Variants in ZDHHC14 observed in about 807,000 individuals in gnomAD.
The protein encoded by ZDHHC14 is palmitoyltransferase ZDHHC14.
In ZDHHC14, 16 loss-of-function variants were observed where a neutral mutation model predicts 47.7. That is an observed-to-expected ratio of 0.34 (90% CI 0.23 to 0.51). The LOEUF (loss-of-function observed/expected upper bound fraction) is 0.51, where lower values mean the gene tolerates loss of function less well. Ranked by LOEUF, ZDHHC14 falls within the 20% of genes least tolerant of loss-of-function variation. ZDHHC14 has a pLI of 0.97. For synonymous variants in ZDHHC14, 293 were observed against 278.9 expected (o/e 1.05, Z -0.50); for missense variants, 515 against 662.5 (o/e 0.78, Z 2.44).
intron 2 of ZDHHC14, among the ~76,000 whole-genome samples, chr6:157,574,369 G>A (rs1783218615): frequency 6.6e-6 from 1 of 152,160 alleles, no homozygotes; most frequent in South Asian, 2.1e-4. Context: ...GTTTCAGTCA[G>A]CCGAGATCGC....
chr6:157,506,519 C>T (rs918977862), intron 1 of ZDHHC14, among the ~76,000 whole-genome samples: 17 of 152,228 alleles, frequency 1.1e-4, no homozygotes, highest in Non-Finnish European at 2.4e-4. Context: ...CCCCTTCAAA[C>T]ATTATTTTCC....
intron 2 of ZDHHC14, among the ~76,000 whole-genome samples, chr6:157,565,472 A>G (rs577871795): frequency 6.6e-6 from 1 of 152,326 alleles, no homozygotes; most frequent in Non-Finnish European, 1.5e-5. Context: ...ATTCAGATTC[A>G]GTCACATGCA....
At chr6:157,517,557 C>T (rs1035561414) in intron 1 of ZDHHC14, among the ~76,000 whole-genome samples, 10 of 152,166 alleles carry the variant, frequency 6.6e-5, no homozygotes, top group Non-Finnish European at 1.0e-4. Context: ...GTGATCCATT[C>T]GCCTTGGCCT....
intron 3 of ZDHHC14, among the ~76,000 whole-genome samples, chr6:157,625,878 AG>A (rs753601169): frequency 9.2e-5 from 14 of 152,134 alleles, no homozygotes; most frequent in Non-Finnish European, 2.1e-4. Flanking sequence ...CTTTTAGCTC[AG>A]GGCTACCGGA....
intron 1 of ZDHHC14, among the ~76,000 whole-genome samples, chr6:157,484,307 A>ACATATATATACGTATATATACATTATACG (rs1562443829): frequency 7.0e-5 from 8 of 114,286 alleles, no homozygotes; most frequent in African/African-American, 2.4e-4. Context: ...ATATATATAC[A>ACATATATATACGTATATATACATTATACG]TATATATACA....
intron 1 of ZDHHC14, among the ~76,000 whole-genome samples, chr6:157,393,237 T>G (rs1159092274): frequency 6.6e-6 from 1 of 152,224 alleles, no homozygotes; most frequent in Non-Finnish European, 1.5e-5. Flanking sequence ...AGTATAATCA[T>G]TTCTGTACAT....
intron 1 of ZDHHC14, among the ~76,000 whole-genome samples, chr6:157,429,004 T>C: frequency 6.6e-6 from 1 of 152,114 alleles, no homozygotes; most frequent in Admixed American, 6.6e-5. Flanking sequence ...TGAGTGTGTT[T>C]GCGATGAGTG....
chr6:157,557,851 G>A (rs1782540075), intron 2 of ZDHHC14, among the ~76,000 whole-genome samples: 1 of 152,222 alleles, frequency 6.6e-6, no homozygotes, highest in Admixed American at 6.5e-5. Flanking sequence ...ACTGGGGACT[G>A]CTCTCACTTC....
intron 1 of ZDHHC14, among the ~76,000 whole-genome samples, chr6:157,467,643 G>A (rs1447866266): frequency 2.6e-5 from 4 of 151,672 alleles, no homozygotes; most frequent in Admixed American, 1.3e-4. Context: ...TCCATCTCCC[G>A]GGTTCAAGCG....
At chr6:157,606,002 A>T (rs575091792) in intron 3 of ZDHHC14, among the ~76,000 whole-genome samples, 1 of 152,246 alleles carries the variant, frequency 6.6e-6, no homozygotes, top group Non-Finnish European at 1.5e-5. Flanking sequence ...TTAGCAAGAT[A>T]TATATGCTGA....
chr6:157,403,674 T>C (rs1327611344), intron 1 of ZDHHC14, among the ~76,000 whole-genome samples: 1 of 152,250 alleles, frequency 6.6e-6, no homozygotes, highest in Non-Finnish European at 1.5e-5. Flanking sequence ...GGCTGCCTAT[T>C]CACTAAAAAA....
chr6:157,419,329 TAC>T (rs1318601881), intron 1 of ZDHHC14, among the ~76,000 whole-genome samples: 3 of 152,372 alleles, frequency 2.0e-5, no homozygotes, highest in African/African-American at 7.2e-5. Flanking sequence ...TGCCCATCAT[TAC>T]AGTTTCATAC....
At chr6:157,401,519 G>C (rs1227067512) in intron 1 of ZDHHC14, among the ~76,000 whole-genome samples, 1 of 148,654 alleles carries the variant, frequency 6.7e-6, no homozygotes, top group Non-Finnish European at 1.5e-5. Flanking sequence ...ATGCGCTCCT[G>C]CTGAGGTCTC....
intron 2 of ZDHHC14, among the ~76,000 whole-genome samples, chr6:157,574,451 G>T (rs1480542755): frequency 6.6e-6 from 1 of 152,062 alleles, no homozygotes; most frequent in African/African-American, 2.4e-5. Flanking sequence ...CCGTGTCATT[G>T]CTGAATACTT....
intron 1 of ZDHHC14, among the ~76,000 whole-genome samples, chr6:157,504,124 G>C (rs1362976038): frequency 2.0e-5 from 3 of 152,156 alleles, no homozygotes; most frequent in African/African-American, 4.8e-5. Flanking sequence ...GATTCATACA[G>C]TGGAGTATTA....
rs144545968 is a variant in ZDHHC14 at position 157,612,512 on chromosome 6, G to A, written c.566-15837G>A. Among the ~76,000 whole-genome samples the A allele has an allele frequency of 4.3e-4, 65 of 152,318 alleles. 1 individual carries two copies. The highest frequency in any genetic ancestry group is 1.3e-3 in the African/African-American group (55 of 41,574). Reference sequence around the variant, plus strand: ...TCATCTTTCAGGGAGATGTTCAGGCGTGGGCTCCTCAGGGAAGCCTGCCAC... The same window carrying A: ...TCATCTTTCAGGGAGATGTTCAGGCATGGGCTCCTCAGGGAAGCCTGCCAC... On this transcript the variant is annotated intron_variant, in intron 3 of 8. Coordinates refer to ENST00000359775, the MANE Select transcript of ZDHHC14 (RefSeq NM_024630.3).
At chr6:157,541,295 T>G (rs899077388) in intron 1 of ZDHHC14, among the ~76,000 whole-genome samples, 1 of 152,164 alleles carries the variant, frequency 6.6e-6, no homozygotes, top group Non-Finnish European at 1.5e-5. Context: ...TGAAGGCTGG[T>G]GCACTAATGT....
chr6:157,639,396 C>T (rs1336850476), intron 5 of ZDHHC14, among the ~76,000 whole-genome samples: 1 of 152,194 alleles, frequency 6.6e-6, no homozygotes, highest in East Asian at 1.9e-4. Context: ...CCTCCGCCTC[C>T]CAGGTGCAAG....
intron 1 of ZDHHC14, among the ~76,000 whole-genome samples, chr6:157,396,484 G>GATA (rs1777524748): frequency 2.6e-5 from 4 of 152,282 alleles, no homozygotes; most frequent in Admixed American, 2.6e-4. Context: ...GCTATATATG[G>GATA]TCTATTTGTC....
Sources: allele counts gnomAD v4.1 joint callset (sites outside exome capture counted in the v4.1 genomes callset), GRCh38; gene constraint gnomAD v4.1.1; transcripts MANE v1.5; gene names NCBI Gene and HGNC (gene_info 2026-07-23, HGNC 2026-07-21).